Variants in ADARB2 observed in about 807,000 individuals in gnomAD.
ADARB2 encodes inactive double-stranded RNA-specific editase B2.
In ADARB2, 25 loss-of-function variants were observed where a neutral mutation model predicts 62.2. That is an observed-to-expected ratio of 0.40 (90% CI 0.29 to 0.56). The LOEUF is 0.56. Among genes scored for constraint, ADARB2 ranks in the 20% least tolerant of loss-of-function variants. ADARB2 has a pLI of 0.43. For synonymous variants in ADARB2, 572 were observed against 500.8 expected, an observed-to-expected ratio of 1.14 and a Z score of -1.90; for missense variants, 1,071 against 1,077.4, an observed-to-expected ratio of 0.99 and a Z score of 0.08.
chr10:1,183,505 C>A, intron 9 of ADARB2, 136 bp from the exon 10 acceptor site: 1 of 1,103,636 alleles, frequency 9.1e-7, no homozygotes, highest in South Asian at 1.7e-5. Flanking sequence ...CAGAGAGCAA[C>A]TGTGACCAGG....
In ADARB2 at chr10:1,587,841, T is replaced by G. The variant is rs142116657; in HGVS notation, c.100+149210A>C. 1.2e-3 allele frequency among the ~76,000 whole-genome samples: 190 copies of G among 152,232 alleles called. 1 individual carries two copies. Among genetic ancestry groups the G allele is most frequent in the Non-Finnish European group, 7.8e-4 (53 of 68,008 alleles). ...TCTCACGGTAGTGAGCCTTATGAGA[T>G]CTAATGATTTTATAAGGGGTTTCCC... On this transcript the variant is annotated intron_variant, in intron 1 of 9. Transcript: ENST00000381312.
chr10:1,263,142 G>C (rs916820090), intron 4 of ADARB2, among the ~76,000 whole-genome samples: 1 of 106,482 alleles, frequency 9.4e-6, no homozygotes, highest in Non-Finnish European at 1.8e-5. Flanking sequence ...GGGGTGGGGG[G>C]AGGGGGGAGG....
At chr10:1,647,664 ATGTG>A (rs1054167833) in intron 1 of ADARB2, among the ~76,000 whole-genome samples, 1 of 151,804 alleles carries the variant, frequency 6.6e-6, no homozygotes, top group Non-Finnish European at 1.5e-5. Flanking sequence ...ATGAGTATAT[ATGTG>A]TATGTGTGTA....
At chr10:1,530,018 T>G (rs1315522793) in intron 1 of ADARB2, among the ~76,000 whole-genome samples, 1 of 151,052 alleles carries the variant, frequency 6.6e-6, no homozygotes, top group Non-Finnish European at 1.5e-5. Context: ...CCTGTCAATG[T>G]GGGCACCTGT....
chr10:1,631,701 C>A (rs1471873202), intron 1 of ADARB2, among the ~76,000 whole-genome samples: 1 of 152,140 alleles, frequency 6.6e-6, no homozygotes, highest in Non-Finnish European at 1.5e-5. Flanking sequence ...GGCTGCAGTG[C>A]AGGACCAAGC....
intron 1 of ADARB2, among the ~76,000 whole-genome samples, chr10:1,666,264 G>T (rs1400999118): frequency 6.6e-6 from 1 of 152,212 alleles, no homozygotes; most frequent in African/African-American, 2.4e-5. Context: ...GCACAGCCCC[G>T]AGGGTCGGCA....
Position 1,233,850 on chromosome 10 carries a change from G to A in ADARB2, c.1362-5C>T, listed in dbSNP as rs1046342112. The A allele has an allele frequency of 1.2e-6, 2 of 1,612,470 alleles. No homozygotes were observed. Among genetic ancestry groups the A allele is most frequent in the South Asian group, 1.1e-5 (1 of 90,722 alleles). ...TCTGAGTCCTCGCGCCGCTTGCTAG[G>A]GTCACAAAGAGGTTTGGGGTCATTT... On this transcript the variant is annotated splice_region_variant and splice_polypyrimidine_tract_variant and intron_variant, in intron 5 of 9. Coordinates refer to ENST00000381312, the MANE Select transcript of ADARB2 (RefSeq NM_018702.4).
intron 3 of ADARB2, among the ~76,000 whole-genome samples, chr10:1,335,470 T>TG (rs1021816540): frequency 7.8e-5 from 2 of 25,616 alleles, no homozygotes; most frequent in East Asian, 1.2e-3. Context: ...GGAAGAAGGG[T>TG]GGGGGGTGAA....
At chr10:1,380,300 CCAGGGCA>C (rs1832471599) in intron 1 of ADARB2, among the ~76,000 whole-genome samples, 1 of 152,234 alleles carries the variant, frequency 6.6e-6, no homozygotes, top group Admixed American at 6.5e-5. Flanking sequence ...CTGCTAAGTT[CCAGGGCA>C]CTGGCTGTGG....
intron 3 of ADARB2, among the ~76,000 whole-genome samples, chr10:1,277,796 A>G (rs1186355607): frequency 6.6e-6 from 1 of 152,172 alleles, no homozygotes; most frequent in African/African-American, 2.4e-5. Flanking sequence ...GCAGAGACAC[A>G]ACAAAAAAAG....
intron 1 of ADARB2, among the ~76,000 whole-genome samples, chr10:1,502,884 A>G (rs765993577): frequency 3.4e-5 from 5 of 149,078 alleles, no homozygotes; most frequent in Non-Finnish European, 7.6e-5. Flanking sequence ...TCTGCATTTC[A>G]GAGAGATCTT....
At chr10:1,385,309 C>T (rs1016380688) in intron 1 of ADARB2, among the ~76,000 whole-genome samples, 1 of 151,270 alleles carries the variant, frequency 6.6e-6, no homozygotes, top group Non-Finnish European at 1.5e-5. Context: ...AAAATATAGT[C>T]GAAGTAAAAA....
intron 1 of ADARB2, among the ~76,000 whole-genome samples, chr10:1,463,452 T>A (rs1831204168): frequency 6.6e-6 from 1 of 152,320 alleles, no homozygotes; most frequent in Admixed American, 6.5e-5. Context: ...GGCAGCAGGT[T>A]TGATGCCGTC....
At chr10:1,244,717 G>A (rs533348985) in intron 4 of ADARB2, among the ~76,000 whole-genome samples, 95 of 152,316 alleles carry the variant, frequency 6.2e-4, no homozygotes, top group Admixed American at 1.3e-3. Flanking sequence ...CGGAAGTGCT[G>A]TACATGGAAT....
At chr10:1,463,131 G>A (rs981138552) in intron 1 of ADARB2, among the ~76,000 whole-genome samples, 2 of 152,152 alleles carry the variant, frequency 1.3e-5, no homozygotes, top group African/African-American at 4.8e-5. Context: ...TGAGAAGGAC[G>A]TGCTCTCCAC....
intron 7 of ADARB2, among the ~76,000 whole-genome samples, chr10:1,202,126 A>G (rs1190155663): frequency 6.6e-6 from 1 of 150,670 alleles, no homozygotes; most frequent in Non-Finnish European, 1.5e-5. Context: ...TTTTTTCAAT[A>G]GAGACATGGT....
At chr10:1,658,371 G>C (rs12263480) in intron 1 of ADARB2, among the ~76,000 whole-genome samples, 5 of 150,424 alleles carry the variant, frequency 3.3e-5, no homozygotes, top group African/African-American at 9.8e-5. Context: ...GTTTTTCTCT[G>C]TCTCTCTGTG....
intron 1 of ADARB2, among the ~76,000 whole-genome samples, chr10:1,435,418 G>C (rs141374245): frequency 3.1e-4 from 47 of 152,290 alleles, no homozygotes; most frequent in Middle Eastern, 3.4e-3. Flanking sequence ...ATTAACTCAG[G>C]GGGCCTGTGT....
chr10:1,300,694 C>T (rs1425551647), intron 3 of ADARB2, among the ~76,000 whole-genome samples: 1 of 152,158 alleles, frequency 6.6e-6, no homozygotes, highest in Non-Finnish European at 1.5e-5. Flanking sequence ...TAAATATTCA[C>T]TGAAAAGGGA....
Sources: gnomAD v4.1 joint callset for allele counts (sites outside exome capture counted in the v4.1 genomes callset) on GRCh38, gnomAD v4.1.1 for gene constraint, MANE v1.5 for transcripts, NCBI Gene and HGNC (gene_info 2026-07-23, HGNC 2026-07-21) for gene names.